Variants in MTHFD1L observed in about 807,000 individuals in gnomAD.
MTHFD1L encodes monofunctional C1-tetrahydrofolate synthase, mitochondrial.
A neutral mutation model predicts 119.5 loss-of-function variants in MTHFD1L; 81 were observed. The observed-to-expected ratio is 0.68, with a 90% CI of 0.57 to 0.82. MTHFD1L has a LOEUF of 0.82. MTHFD1L is among the 40% of genes least tolerant of loss of function. The pLI is 0.00. For synonymous variants in MTHFD1L, 430 were observed against 475.2 expected (o/e 0.90, Z 1.24); for missense variants, 1,125 against 1,253.4 (o/e 0.90, Z 1.55).
chr6:150,987,112 G>GT (rs1778420672), intron 20 of MTHFD1L, among the ~76,000 whole-genome samples: 1 of 152,176 alleles, frequency 6.6e-6, no homozygotes, highest in Non-Finnish European at 1.5e-5. Flanking sequence ...TAGGCAAAAT[G>GT]TTTCAATTTT....
At chr6:150,996,132 T>C (rs2128456129) in intron 20 of MTHFD1L, among the ~76,000 whole-genome samples, 1 of 152,294 alleles carries the variant, frequency 6.6e-6, no homozygotes, top group South Asian at 2.1e-4. Flanking sequence ...TTGCTTCTGT[T>C]AATGCTTTTA....
intron 24 of MTHFD1L, 72 bp downstream of exon 24, chr6:151,015,765 A>G: frequency 2.0e-6 from 3 of 1,526,858 alleles, no homozygotes; most frequent in South Asian, 2.5e-5. Context: ...TGTTGTCACC[A>G]CAACCCTACA....
intron 24 of MTHFD1L, among the ~76,000 whole-genome samples, chr6:151,032,575 C>T (rs936958495): frequency 6.6e-6 from 1 of 152,182 alleles, no homozygotes; most frequent in African/African-American, 2.4e-5. Context: ...ACCACATCAA[C>T]CCTTTATTGT....
chr6:150,882,914 C>T (rs1781600282), intron 5 of MTHFD1L, 28 bp downstream of exon 5: 2 of 1,545,260 alleles, frequency 1.3e-6, no homozygotes, highest in Non-Finnish European at 1.7e-6. Flanking sequence ...AATAATCAAC[C>T]TTTATGGCTA....
intron 1 of MTHFD1L, among the ~76,000 whole-genome samples, chr6:150,873,358 C>G (rs1779861566): frequency 1.3e-5 from 2 of 152,022 alleles, no homozygotes; most frequent in Non-Finnish European, 2.9e-5. Flanking sequence ...ATGAATGGAT[C>G]AAGACTATGA....
At chr6:151,075,040 A>T (rs1792353624) in intron 26 of MTHFD1L, among the ~76,000 whole-genome samples, 1 of 152,232 alleles carries the variant, frequency 6.6e-6, no homozygotes, top group South Asian at 2.1e-4. Flanking sequence ...TACAAAGTAG[A>T]TAAAATGAAA....
At chr6:150,948,841 A>G (rs1794447934) in intron 15 of MTHFD1L, among the ~76,000 whole-genome samples, 190 bp from the exon 16 acceptor site, 1 of 150,550 alleles carries the variant, frequency 6.6e-6, no homozygotes, top group Non-Finnish European at 1.5e-5. Flanking sequence ...GGGTTTCTCC[A>G]TGTTGGTCAG....
intron 11 of MTHFD1L, among the ~76,000 whole-genome samples, chr6:150,936,173 G>T (rs970550170): frequency 2.0e-5 from 3 of 152,114 alleles, no homozygotes; most frequent in African/African-American, 7.2e-5. Flanking sequence ...CAACATGAAT[G>T]CAGATGCCTT....
chr6:150,894,063 C>T (rs1236090031), intron 7 of MTHFD1L, among the ~76,000 whole-genome samples: 3 of 152,058 alleles, frequency 2.0e-5, no homozygotes, highest in Non-Finnish European at 2.9e-5. Flanking sequence ...GGCAACATGG[C>T]GAAACTCCAT....
Position 151,034,540 on chromosome 6 carries a change from A to T in MTHFD1L, c.2634A>T (p.Gly878=), listed in dbSNP as rs1481853033. 2 of 1,611,828 alleles carry T rather than the reference A, an allele frequency of 1.2e-6. No homozygotes were observed. Among genetic ancestry groups the T allele is most frequent in the African/African-American group, 2.7e-5 (2 of 74,852 alleles). ...GGACCATTGCTCAGGCTGTCTATGG[A>T]GCCAAAGATATTGAACTCTCTCCTG... ...KIRTIAQAVY[G]AKDIELSPEA... is the part of the protein sequence containing the mutation. The change falls in exon 25 of 28, where the codon GGA becomes GGT. Residue 878 remains glycine (G), a synonymous_variant. Coordinates refer to ENST00000367321, the MANE Select transcript of MTHFD1L (RefSeq NM_015440.5).
intron 27 of MTHFD1L, chr6:151,099,775 G>A: frequency 1.9e-6 from 3 of 1,608,672 alleles, no homozygotes; most frequent in South Asian, 1.1e-5. Context: ...CAACGTCAAG[G>A]AGCTGGAAGT....
At chr6:150,997,537 C>A (rs1584027487) in intron 20 of MTHFD1L, among the ~76,000 whole-genome samples, 2 of 152,076 alleles carry the variant, frequency 1.3e-5, no homozygotes, top group African/African-American at 2.4e-5. Flanking sequence ...ACCTGTAATC[C>A]CAGCACTTTG....
rs2073189 is a variant in MTHFD1L, at chr6:150,936,974, G to T, written c.1393+34G>T. Reference sequence around the variant, plus strand: ...TTTAACAACTAGTGTACTTTTCAGGGCAAAGTTGGGGGGAGAGAATTGTAA... The same window carrying T: ...TTTAACAACTAGTGTACTTTTCAGGTCAAAGTTGGGGGGAGAGAATTGTAA... On this transcript the variant is annotated intron_variant, in intron 12 of 27. Coordinates refer to ENST00000367321, the MANE Select transcript of MTHFD1L (RefSeq NM_015440.5). 0.085 allele frequency: 135,689 copies of T among 1,602,932 alleles called. 10,805 individuals are homozygous for T. The highest frequency in any genetic ancestry group is 0.46 in the East Asian group (20,425 of 44,440).
chr6:150,967,517 C>T (rs1178268551), intron 19 of MTHFD1L, among the ~76,000 whole-genome samples: 1 of 152,202 alleles, frequency 6.6e-6, no homozygotes, highest in African/African-American at 2.4e-5. Flanking sequence ...TACCAGGAGC[C>T]ACGTGGGTGG....
intron 7 of MTHFD1L, among the ~76,000 whole-genome samples, chr6:150,895,919 G>A (rs1562335543): frequency 6.6e-6 from 1 of 152,140 alleles, no homozygotes; most frequent in African/African-American, 2.4e-5. Flanking sequence ...GACAGACAAT[G>A]TTAATTGACA....
intron 22 of MTHFD1L, among the ~76,000 whole-genome samples, chr6:151,014,082 G>A (rs1443317616): frequency 6.6e-6 from 1 of 152,140 alleles, no homozygotes; most frequent in East Asian, 1.9e-4. Context: ...AAAATTAGCT[G>A]GGCATGGTGG....
intron 20 of MTHFD1L, among the ~76,000 whole-genome samples, chr6:150,974,724 C>CTTTTTTTTTTTTTT (rs58490721): frequency 2.1e-5 from 3 of 144,620 alleles, no homozygotes; most frequent in African/African-American, 2.5e-5. Context: ...AATTCTCTTC[C>CTTTTTTTTTTTTTT]TTTTTTTTTT....
chr6:151,083,852 G>T (rs989667888), intron 26 of MTHFD1L, among the ~76,000 whole-genome samples: 29 of 152,128 alleles, frequency 1.9e-4, no homozygotes, highest in African/African-American at 6.8e-4. Context: ...AGCTCGAGTA[G>T]TTACTGTATT....
chr6:151,011,456 C>G (rs947371274), intron 21 of MTHFD1L, among the ~76,000 whole-genome samples: 5 of 151,120 alleles, frequency 3.3e-5, no homozygotes, highest in Non-Finnish European at 7.3e-5. Flanking sequence ...CTCTGAGGCA[C>G]AGGGAGACGC....
Sources: allele counts gnomAD v4.1 joint callset (sites outside exome capture counted in the v4.1 genomes callset), GRCh38; gene constraint gnomAD v4.1.1; transcripts MANE v1.5; gene names NCBI Gene and HGNC (gene_info 2026-07-23, HGNC 2026-07-21).